The following COL21A1 variants were observed in gnomAD, a reference collection of about 807,000 sequenced individuals.
COL21A1 encodes collagen alpha-1(XXI) chain.
In COL21A1, 149 loss-of-function variants were observed where a neutral mutation model predicts 137.9. The observed-to-expected ratio is 1.08, with a 90% CI of 0.95 to 1.24. The LOEUF is 1.24. Ranked by LOEUF, COL21A1 falls within the 50% of genes most tolerant of loss-of-function variation. The pLI is 0.00. For missense variants in COL21A1, 1,167 were observed against 1,158.4 expected (o/e 1.01, Z -0.11); for synonymous variants, 456 against 391.5 (o/e 1.16, Z -1.95).
At chr6:56,265,284 G>C (rs567198442) in intron 1 of COL21A1, among the ~76,000 whole-genome samples, 67 of 152,294 alleles carry the variant, frequency 4.4e-4, no homozygotes, top group African/African-American at 1.6e-3. Context: ...GATGCCAAGT[G>C]GGGAGTGGAA....
At chr6:56,316,650 T>G (rs1386792146) in intron 1 of COL21A1, among the ~76,000 whole-genome samples, 3 of 151,544 alleles carry the variant, frequency 2.0e-5, no homozygotes, top group Non-Finnish European at 4.4e-5. Flanking sequence ...CCTGGCTAAT[T>G]TGTGTATTTT....
chr6:56,381,810 T>G (rs1309564829), intron 1 of COL21A1, among the ~76,000 whole-genome samples: 3 of 152,184 alleles, frequency 2.0e-5, no homozygotes, highest in Non-Finnish European at 4.4e-5. Flanking sequence ...AAGCTGAAAG[T>G]GACAAACTGA....
rs528273134 is a variant in COL21A1, at chr6:56,317,502, T to C, written c.-39+76469A>G. ...CACTTGTTACTCCTCTCATAACTTT[T>C]AGAAATTTCAAAATCATGTAGATGA... On this transcript the variant is annotated intron_variant, in intron 1 of 28. Transcript: ENST00000370819. Among the ~76,000 whole-genome samples, 4 of 152,260 alleles carry C rather than the reference T, an allele frequency of 2.6e-5. No homozygotes were observed. The South Asian group carries it at 6.2e-4, about 24-fold the overall frequency.
In COL21A1 at chr6:56,150,546, AC is replaced by A. The variant is rs1242348360; in HGVS notation, c.1434+6340del. On this transcript the variant is annotated intron_variant, in intron 10 of 29. Coordinates refer to ENST00000244728, the MANE Select transcript of COL21A1 (RefSeq NM_030820.4). ...CACACACACACACACACACACACAC[AC>A]ACACACACACACACACACAAGAGTG... Among the ~76,000 whole-genome samples, 143 of 151,636 alleles carry A rather than the reference AC, an allele frequency of 9.4e-4. 1 individual carries two copies. The highest frequency in any genetic ancestry group is 1.3e-3 in the Non-Finnish European group (89 of 67,798).
chr6:56,156,427 A>G (rs1775745675), intron 10 of COL21A1, among the ~76,000 whole-genome samples: 1 of 152,090 alleles, frequency 6.6e-6, no homozygotes, highest in South Asian at 2.1e-4. Flanking sequence ...AAATGTAAAT[A>G]CTCTAAAAAG....
intron 25 of COL21A1, 78 bp from the exon 26 acceptor site, chr6:56,061,115 A>T: frequency 1.7e-6 from 2 of 1,199,470 alleles, no homozygotes; most frequent in Non-Finnish European, 2.3e-6. Context: ...CTCGTTAAGG[A>T]TGTGAATATG....
At chr6:56,210,833 T>C (rs1198778701) in intron 1 of COL21A1, among the ~76,000 whole-genome samples, 1 of 152,046 alleles carries the variant, frequency 6.6e-6, no homozygotes, top group Non-Finnish European at 1.5e-5. Flanking sequence ...AATAAATAAA[T>C]GGTATGACAA....
chr6:56,085,796 T>A (rs531844852), intron 17 of COL21A1, among the ~76,000 whole-genome samples: 1 of 151,930 alleles, frequency 6.6e-6, no homozygotes, highest in East Asian at 1.9e-4. Flanking sequence ...TAGGCATTTC[T>A]AGTAATTTTG....
chr6:56,393,484 C>A (rs1054621175), intron 1 of COL21A1, among the ~76,000 whole-genome samples: 2 of 152,044 alleles, frequency 1.3e-5, no homozygotes, highest in Non-Finnish European at 2.9e-5. Flanking sequence ...AACCAAAGCA[C>A]AAATGGATAA....
chr6:56,103,454 C>T (rs1770622676), intron 16 of COL21A1, among the ~76,000 whole-genome samples: 1 of 152,050 alleles, frequency 6.6e-6, no homozygotes, highest in Non-Finnish European at 1.5e-5. Context: ...TAGGTTGGTG[C>T]AAAAGTAATT....
intron 1 of COL21A1, among the ~76,000 whole-genome samples, chr6:56,267,074 C>G (rs970649449): frequency 3.3e-5 from 5 of 152,152 alleles, no homozygotes; most frequent in African/African-American, 1.2e-4. Flanking sequence ...TCTTAATTCT[C>G]TATATGGCAG....
At chr6:56,072,441 A>C (rs149064129) in intron 20 of COL21A1, among the ~76,000 whole-genome samples, 1 of 151,656 alleles carries the variant, frequency 6.6e-6, no homozygotes, top group South Asian at 2.1e-4. Context: ...GATCTGCCTC[A>C]GTTTCAGCCT....
At chr6:56,113,025 C>T (rs1771590139) in intron 16 of COL21A1, among the ~76,000 whole-genome samples, 1 of 152,182 alleles carries the variant, frequency 6.6e-6, no homozygotes, top group African/African-American at 2.4e-5. Context: ...AGGAGAATTA[C>T]CCATCCCAGT....
intron 3 of COL21A1, among the ~76,000 whole-genome samples, chr6:56,173,832 A>T (rs1033421579): frequency 1.5e-4 from 23 of 152,166 alleles, no homozygotes; most frequent in African/African-American, 5.5e-4. Flanking sequence ...ACAATACTAT[A>T]GACCAAATGA....
intron 9 of COL21A1, among the ~76,000 whole-genome samples, chr6:56,160,155 T>G (rs1362317674): frequency 6.6e-6 from 1 of 152,230 alleles, no homozygotes; most frequent in East Asian, 1.9e-4. Flanking sequence ...AGTAAAATCC[T>G]AATTAATTTA....
intron 17 of COL21A1, among the ~76,000 whole-genome samples, chr6:56,091,154 C>T (rs1314979832): frequency 1.3e-5 from 2 of 152,130 alleles, no homozygotes; most frequent in African/African-American, 4.8e-5. Flanking sequence ...CATTAATGTT[C>T]CCCAATAATT....
intron 1 of COL21A1, among the ~76,000 whole-genome samples, chr6:56,256,800 T>C (rs1782984118): frequency 1.3e-5 from 2 of 152,086 alleles, no homozygotes; most frequent in South Asian, 4.1e-4. Context: ...ACTAACATGT[T>C]CAATGTTAGT....
At chr6:56,202,602 G>C (rs931790569) in intron 1 of COL21A1, among the ~76,000 whole-genome samples, 1 of 152,054 alleles carries the variant, frequency 6.6e-6, no homozygotes, top group Non-Finnish European at 1.5e-5. Context: ...GTCTACAGTG[G>C]TATCCACCTA....
chr6:56,067,917 C>T (rs1047926108), intron 22 of COL21A1, among the ~76,000 whole-genome samples: 1 of 151,608 alleles, frequency 6.6e-6, no homozygotes, highest in Non-Finnish European at 1.5e-5. Context: ...TAAGCACCTG[C>T]CCAAAGCTAA....
Sources: gnomAD v4.1 joint callset for allele counts (sites outside exome capture counted in the v4.1 genomes callset) on GRCh38, gnomAD v4.1.1 for gene constraint, MANE v1.5 for transcripts, NCBI Gene and HGNC (gene_info 2026-07-23, HGNC 2026-07-21) for gene names.